CAST: variants seen among roughly 807,000 people sequenced by gnomAD.
CAST encodes MIR583 host.
Under a neutral mutation model 119.6 loss-of-function variants are expected in CAST, and 76 were observed. That is an observed-to-expected ratio of 0.64 (90% CI 0.53 to 0.77). CAST has a LOEUF of 0.77. CAST is among the 30% of genes least tolerant of loss of function. The pLI, the probability that CAST is intolerant of heterozygous loss-of-function variation, is 0.00. For synonymous variants in CAST, 319 were observed against 331.6 expected (o/e 0.96, Z 0.41); for missense variants, 953 against 946.5 (o/e 1.01, Z -0.09).
intron 1 of CAST, among the ~76,000 whole-genome samples, chr5:96,675,049 A>C (rs1750539245): frequency 6.6e-6 from 1 of 152,238 alleles, no homozygotes; most frequent in Admixed American, 6.5e-5. Flanking sequence ...AGGCCATAAC[A>C]CATAGAAGAA....
chr5:96,725,743 T>C (rs544884748), intron 4 of CAST, among the ~76,000 whole-genome samples: 113 of 152,356 alleles, frequency 7.4e-4, no homozygotes, highest in African/African-American at 2.7e-3. Flanking sequence ...ATTGCCAAAT[T>C]GCAAGCTATT....
intron 22 of CAST, among the ~76,000 whole-genome samples, chr5:96,755,356 G>GA (rs1010764097): frequency 2.0e-4 from 30 of 151,214 alleles, no homozygotes; most frequent in Non-Finnish European, 3.8e-4. Flanking sequence ...AGTAAAAAAT[G>GA]AAAAAAAATA....
the CAST span, chr5:96,421,790 G>A: frequency 7.1e-3 from 5,766 of 815,002 alleles, 228 homozygotes; most frequent in African/African-American, 0.086. Context: ...CTGAGCACTG[G>A]AATGTGGATG....
At chr5:96,419,594 A>AT in the CAST span, among the ~76,000 whole-genome samples, 4 of 151,590 alleles carry the variant, frequency 2.6e-5, no homozygotes, top group African/African-American at 9.7e-5. Flanking sequence ...TTTGACCTAA[A>AT]TTTGGCTCCC....
At chr5:96,427,916 C>T in the CAST span, among the ~76,000 whole-genome samples, 2 of 152,168 alleles carry the variant, frequency 1.3e-5, no homozygotes, top group African/African-American at 4.8e-5. Context: ...GGGAAGACCT[C>T]AGTGGACAAG....
chr5:96,543,209 A>G (rs1408686042), intron 1 of CAST, among the ~76,000 whole-genome samples: 1 of 152,230 alleles, frequency 6.6e-6, no homozygotes, highest in Non-Finnish European at 1.5e-5. Flanking sequence ...AGCCATAAAA[A>G]GAATGAGTTC....
At chr5:96,755,689 C>T (rs143258691) in intron 22 of CAST, among the ~76,000 whole-genome samples, 1 of 152,340 alleles carries the variant, frequency 6.6e-6, no homozygotes, top group Admixed American at 6.5e-5. Context: ...CATCCATGTG[C>T]ACTAGCCCAT....
chr5:96,309,629 G>A, the CAST span, among the ~76,000 whole-genome samples: 1 of 152,208 alleles, frequency 6.6e-6, no homozygotes, highest in Non-Finnish European at 1.5e-5. Flanking sequence ...GAAGACCATG[G>A]AAAAAGCACA....
At chr5:96,546,059 T>A (rs1178937662) in intron 1 of CAST, among the ~76,000 whole-genome samples, 1 of 152,222 alleles carries the variant, frequency 6.6e-6, no homozygotes, top group Non-Finnish European at 1.5e-5. Flanking sequence ...AGTGGATAAT[T>A]AAATTTACTG....
the CAST span, among the ~76,000 whole-genome samples, chr5:96,489,010 A>T: frequency 1.3e-5 from 2 of 152,216 alleles, no homozygotes; most frequent in Non-Finnish European, 2.9e-5. Flanking sequence ...GGAGACCTGG[A>T]TTTGACACCA....
the CAST span, among the ~76,000 whole-genome samples, chr5:96,009,513 T>A: frequency 6.6e-6 from 1 of 152,216 alleles, no homozygotes; most frequent in Non-Finnish European, 1.5e-5. Flanking sequence ...AGATGGTATC[T>A]CAGTGTGGTT....
the CAST span, among the ~76,000 whole-genome samples, chr5:96,073,313 A>G: frequency 5.9e-5 from 9 of 152,232 alleles, no homozygotes; most frequent in African/African-American, 2.2e-4. Flanking sequence ...CACTTAGGAT[A>G]CAGTAGGTGC....
At chr5:96,022,180 T>G in the CAST span, among the ~76,000 whole-genome samples, 1 of 152,208 alleles carries the variant, frequency 6.6e-6, no homozygotes, top group East Asian at 1.9e-4. Context: ...GGTTTTGGTA[T>G]CTTTGGCGGT....
the CAST span, among the ~76,000 whole-genome samples, chr5:96,009,930 T>C: frequency 6.6e-6 from 1 of 152,188 alleles, no homozygotes; most frequent in African/African-American, 2.4e-5. Context: ...TTTGAGGTCT[T>C]ACATATAAGT....
At chr5:96,527,909 TA>T (rs1234319883), upstream of CAST, among the ~76,000 whole-genome samples, 1 of 151,816 alleles carries the variant, frequency 6.6e-6, no homozygotes, top group Non-Finnish European at 1.5e-5. Flanking sequence ...AAAGACCTTC[TA>T]GGGGTAGGGA....
intron 1 of CAST, among the ~76,000 whole-genome samples, chr5:96,560,115 C>A (rs1210809242): frequency 6.6e-6 from 1 of 152,048 alleles, no homozygotes; most frequent in African/African-American, 2.4e-5. Flanking sequence ...AAAGGATTCC[C>A]TATTTAATAA....
the CAST span, among the ~76,000 whole-genome samples, chr5:96,297,359 CTTAT>C: frequency 6.6e-6 from 1 of 152,182 alleles, no homozygotes. Context: ...TAGACAATTT[CTTAT>C]TTCTACTCTG....
At chr5:96,144,090 A>T in the CAST span, among the ~76,000 whole-genome samples, 1 of 152,242 alleles carries the variant, frequency 6.6e-6, no homozygotes. Flanking sequence ...GCAGTAAAAC[A>T]TAATTAGGTG....
At chr5:96,564,662 T>C (rs1319828592) in intron 1 of CAST, among the ~76,000 whole-genome samples, 3 of 152,254 alleles carry the variant, frequency 2.0e-5, no homozygotes, top group Admixed American at 6.5e-5. Context: ...CTCATGCCTG[T>C]AATCCCAGCA....
Sources: gnomAD v4.1 joint callset for allele counts (sites outside exome capture counted in the v4.1 genomes callset) on GRCh38, gnomAD v4.1.1 for gene constraint, MANE v1.5 for transcripts, NCBI Gene and HGNC (gene_info 2026-07-23, HGNC 2026-07-21) for gene names.